Variants in LETM1 observed in about 807,000 individuals in gnomAD.
LETM1 encodes mitochondrial proton/calcium exchanger protein.
LETM1 carries 50 observed loss-of-function variants against 74.5 expected under a neutral mutation model. The ratio of observed to expected loss-of-function variants is 0.67; its 90% confidence interval spans 0.53 to 0.85. The LOEUF is 0.85. Ranked by LOEUF, LETM1 falls within the 40% of genes least tolerant of loss-of-function variation. LETM1 has a pLI of 0.00. For missense variants in LETM1, 824 were observed against 967.8 expected (o/e 0.85, Z 1.97); for synonymous variants, 446 against 407.1 (o/e 1.10, Z -1.15).
chr4:1,849,853 CCTT>C (rs1000607729), intron 1 of LETM1, among the ~76,000 whole-genome samples: 16 of 150,544 alleles, frequency 1.1e-4, no homozygotes, highest in Admixed American at 3.3e-4. Context: ...CAGCCTGAAA[CCTT>C]CTTTTAAGTC....
intron 6 of LETM1, among the ~76,000 whole-genome samples, chr4:1,830,896 A>G (rs1712247042): frequency 6.6e-6 from 1 of 152,108 alleles, no homozygotes; most frequent in South Asian, 2.1e-4. Flanking sequence ...CCTCCGGTGC[A>G]TGGTGGCATG....
intron 11 of LETM1, among the ~76,000 whole-genome samples, chr4:1,817,358 A>G (rs999142120): frequency 2.6e-5 from 4 of 152,030 alleles, no homozygotes; most frequent in Admixed American, 2.6e-4. Flanking sequence ...GGAGTTCGAA[A>G]CCAGACCAGG....
intron 1 of LETM1, among the ~76,000 whole-genome samples, chr4:1,852,088 A>T (rs1713088024): frequency 6.6e-6 from 1 of 152,102 alleles, no homozygotes; most frequent in Admixed American, 6.5e-5. Flanking sequence ...GGAGTCCAAC[A>T]ATTTAATTCC....
intron 11 of LETM1, among the ~76,000 whole-genome samples, chr4:1,817,245 CAAAAAAAAAAAAA>C (rs60805612): frequency 1.1e-3 from 71 of 66,102 alleles, no homozygotes; most frequent in Non-Finnish European, 1.7e-3. Context: ...ACTCTGTCTC[CAAAAAAAAAAAAA>C]AAAAAAAAAA....
intron 2 of LETM1, among the ~76,000 whole-genome samples, chr4:1,844,856 T>C (rs568158116): frequency 1.6e-5 from 2 of 126,584 alleles, no homozygotes; most frequent in Admixed American, 9.8e-5. Context: ...GAACCCAGCC[T>C]GGGCAACATA....
intron 1 of LETM1, among the ~76,000 whole-genome samples, chr4:1,854,229 C>A (rs1029366257): frequency 6.6e-6 from 1 of 152,160 alleles, no homozygotes; most frequent in African/African-American, 2.4e-5. Context: ...CGCCTGTAAT[C>A]CCAGCACTTT....
At chr4:1,840,771 G>A (rs1712663116) in intron 3 of LETM1, among the ~76,000 whole-genome samples, 2 of 151,906 alleles carry the variant, frequency 1.3e-5, no homozygotes, top group African/African-American at 4.8e-5. Flanking sequence ...CAGAAGTTCC[G>A]AGAGGCCTGG....
At chr4:1,829,143 C>T (rs1419646218) in intron 6 of LETM1, among the ~76,000 whole-genome samples, 2 of 133,482 alleles carry the variant, frequency 1.5e-5, no homozygotes, top group Admixed American at 7.1e-5. Flanking sequence ...ACCTCCCGGA[C>T]GGGGCGGCTG....
At chr4:1,828,953 T>C (rs1196038444) in intron 6 of LETM1, among the ~76,000 whole-genome samples, 8 of 61,646 alleles carry the variant, frequency 1.3e-4, no homozygotes, top group Admixed American at 3.5e-4. Flanking sequence ...GAGGCGCCCC[T>C]CACCTCCCGG....
Position 1,816,737 on chromosome 4 carries a change from T to C in LETM1, c.1921A>G (p.Met641Val), listed in dbSNP as rs1457324367. ...CACCACCCCACTCACCCCGTGGGCA[T>C]GCCGTTGGCCGGGGCCAGCTTGCCA... The part of the protein sequence containing the change: ...QAGKLAPANG[M>V]PTGENVISVA... Residue 641 changes from methionine to valine, a missense_variant, in exon 12 of 14, where the codon ATG becomes GTG. Coordinates refer to ENST00000302787, the MANE Select transcript of LETM1 (RefSeq NM_012318.3). 4 of 1,614,040 alleles carry C rather than the reference T, an allele frequency of 2.5e-6. No homozygotes were observed. Among genetic ancestry groups the C allele is most frequent in the South Asian group, 1.1e-5 (1 of 91,084 alleles).
chr4:1,845,926 T>C (rs771086154), intron 2 of LETM1, among the ~76,000 whole-genome samples: 28 of 152,080 alleles, frequency 1.8e-4, no homozygotes, highest in Middle Eastern at 3.4e-3. Context: ...GGTGTGATCC[T>C]GGCTCACGGC....
chr4:1,815,138 C>G (rs1560472701), intron 13 of LETM1, among the ~76,000 whole-genome samples: 4 of 152,248 alleles, frequency 2.6e-5, no homozygotes, highest in Non-Finnish European at 5.9e-5. Context: ...TGCCTTCCCT[C>G]CAGAGACTGG....
In LETM1 at chr4:1,834,551, C is replaced by T; in HGVS notation, c.876+294G>A. On this transcript the variant is annotated intron_variant, in intron 5 of 13. Transcript: ENST00000302787. This position sits in a 1 kb window ranked among gnomAD's most constrained non-coding sequence, Gnocchi z 5.0. ...CCCACACCTCACACCATCAGGGTCT[C>T]AGGCTCCTCATGGGTCAGATTCTAC... The T allele has an allele frequency of 8.5e-7, 1 of 1,181,140 alleles. No homozygotes were observed. Among genetic ancestry groups the T allele is most frequent in the Non-Finnish European group, 1.1e-6 (1 of 949,530 alleles). The allele number at this position is 1,181,140 out of a possible 1,614,324, so 73.2% of individuals were successfully genotyped here.
rs761740968 is a variant in LETM1, at chr4:1,825,579, C to G, written c.1185G>C (p.Arg395Ser). ...ATTCACGCACCTGCTTCAGCTGACC[C>G]CTCAGGCGGTCTTCCGTGACGCCCA... ...RALGVTEDRL[R>S]GQLKQWLDLH... The change falls in exon 7 of 14, where the codon AGG becomes AGC. Residue 395 changes from arginine to serine, a missense_variant. Physicochemically the swap from Arg to Ser is moderately radical, Grantham distance 110. This residue lies in a region of LETM1 where 269 missense variants were observed against 348.8 expected (regional missense o/e 0.77). Transcript: ENST00000302787. 3 of 1,613,224 alleles carry G rather than the reference C, an allele frequency of 1.9e-6. No individual in the cohort carries two copies. The highest frequency in any genetic ancestry group is 2.2e-5 in the South Asian group (2 of 91,066).
intron 12 of LETM1, 144 bp downstream of exon 12, chr4:1,816,583 C>A: frequency 1.4e-6 from 1 of 721,738 alleles, no homozygotes; most frequent in African/African-American, 1.8e-5. Context: ...CTGGCTGGGA[C>A]TGCTGGTCAA....
intron 2 of LETM1, among the ~76,000 whole-genome samples, chr4:1,843,813 C>A (rs890515318): frequency 2.0e-5 from 3 of 152,166 alleles, no homozygotes; most frequent in Non-Finnish European, 4.4e-5. Context: ...CAGGAAGGGG[C>A]CCCTGAATCC....
intron 1 of LETM1, 62 bp from the exon 2 acceptor site, chr4:1,849,271 T>C: frequency 7.9e-7 from 1 of 1,266,724 alleles, no homozygotes. Context: ...TGATACCTTT[T>C]TTTGTTGTTG....
chr4:1,825,320 A>G (rs1711943725), intron 7 of LETM1, among the ~76,000 whole-genome samples: 1 of 152,246 alleles, frequency 6.6e-6, no homozygotes, highest in South Asian at 2.1e-4. Context: ...AAAATCAACT[A>G]AAAGCAAACA....
At chr4:1,822,914 G>A in intron 9 of LETM1, 74 bp downstream of exon 9, 3 of 1,263,020 alleles carry the variant, frequency 2.4e-6, no homozygotes, top group Non-Finnish European at 2.0e-6. Flanking sequence ...GGCCAAGACT[G>A]TGGGCGTGCG....
Sources: gnomAD v4.1 joint callset for allele counts (sites outside exome capture counted in the v4.1 genomes callset) on GRCh38, gnomAD v4.1.1 for gene constraint, gnomAD v4.1.1 regional missense constraint, Gnocchi (gnomAD v3.1) non-coding constraint, MANE v1.5 for transcripts, NCBI Gene and HGNC (gene_info 2026-07-23, HGNC 2026-07-21) for gene names.